The following NRXN3 variants were observed in gnomAD, a reference collection of about 807,000 sequenced individuals.
The protein encoded by NRXN3 is neurexin 3.
A neutral mutation model predicts 137.6 loss-of-function variants in NRXN3; 32 were observed. The ratio of observed to expected loss-of-function variants is 0.23; its 90% CI spans 0.18 to 0.31. The LOEUF is 0.31. NRXN3 is among the 10% of genes least tolerant of loss of function. The pLI is 1.00. For missense variants in NRXN3, 1,574 were observed against 2,062.5 expected, an observed-to-expected ratio of 0.76 and a Z score of 4.59; for synonymous variants, 798 against 784.5, an observed-to-expected ratio of 1.02 and a Z score of -0.29.
intron 1 of NRXN3, among the ~76,000 whole-genome samples, chr14:78,214,689 G>A (rs892474540): frequency 5.9e-5 from 9 of 152,246 alleles, no homozygotes; most frequent in African/African-American, 1.7e-4. Context: ...CTACTCCAGA[G>A]GTGGGAGTGA....
chr14:79,143,141 A>G (rs1195953290), intron 15 of NRXN3, among the ~76,000 whole-genome samples: 1 of 152,206 alleles, frequency 6.6e-6, no homozygotes, highest in African/African-American at 2.4e-5. Context: ...GAGGGCAAAA[A>G]CAGTCAAGCC....
intron 15 of NRXN3, among the ~76,000 whole-genome samples, chr14:79,101,238 T>C (rs1386150924): frequency 6.6e-6 from 1 of 152,194 alleles, no homozygotes; most frequent in Non-Finnish European, 1.5e-5. Flanking sequence ...TATAGTACAA[T>C]AGTTAGTGTC....
At chr14:78,821,869 C>T (rs183466393) in intron 10 of NRXN3, among the ~76,000 whole-genome samples, 2 of 152,224 alleles carry the variant, frequency 1.3e-5, no homozygotes, top group Non-Finnish European at 2.9e-5. Context: ...AAGCAAACTC[C>T]CTTTTACTAA....
chr14:78,738,692 C>T (rs1424694089), intron 8 of NRXN3, among the ~76,000 whole-genome samples: 4 of 152,140 alleles, frequency 2.6e-5, no homozygotes, highest in Non-Finnish European at 4.4e-5. Flanking sequence ...CATTCTTTTT[C>T]CCCACTATGA....
intron 15 of NRXN3, among the ~76,000 whole-genome samples, chr14:79,270,660 G>A (rs759109281): frequency 7.9e-5 from 12 of 152,144 alleles, no homozygotes; most frequent in Admixed American, 2.6e-4. Context: ...TGTGGCAAGT[G>A]TGAACAGAAC....
intron 19 of NRXN3, among the ~76,000 whole-genome samples, chr14:79,726,011 G>A (rs1446330618): frequency 6.6e-6 from 1 of 152,114 alleles, no homozygotes; most frequent in Non-Finnish European, 1.5e-5. Flanking sequence ...CCAAGGAGAT[G>A]ATGGAGTGAA....
chr14:78,699,762 C>A (rs541912128), intron 6 of NRXN3, among the ~76,000 whole-genome samples: 1 of 152,136 alleles, frequency 6.6e-6, no homozygotes, highest in African/African-American at 2.4e-5. Context: ...GAGTTGGTGC[C>A]CTCATCAAAT....
At chr14:78,983,613 C>T (rs539185633) in intron 14 of NRXN3, among the ~76,000 whole-genome samples, 1 of 152,040 alleles carries the variant, frequency 6.6e-6, no homozygotes, top group Admixed American at 6.5e-5. Flanking sequence ...AATCCCAGCA[C>T]TTTGGGAGGC....
intron 15 of NRXN3, among the ~76,000 whole-genome samples, chr14:79,314,834 A>G (rs1246710356): frequency 3.3e-5 from 5 of 149,348 alleles, no homozygotes; most frequent in East Asian, 4.1e-4. Flanking sequence ...GGGTATTCCA[A>G]CAGACCTGCA....
intron 10 of NRXN3, among the ~76,000 whole-genome samples, chr14:78,936,694 A>G (rs946078125): frequency 1.3e-5 from 2 of 152,202 alleles, no homozygotes; most frequent in Non-Finnish European, 2.9e-5. Context: ...TTATACTTCA[A>G]TTTAAAAGAA....
chr14:79,162,950 T>C (rs1259293304), intron 15 of NRXN3, among the ~76,000 whole-genome samples: 1 of 151,944 alleles, frequency 6.6e-6, no homozygotes, highest in East Asian at 1.9e-4. Flanking sequence ...TTATTTCTCC[T>C]CTCTTACATC....
intron 4 of NRXN3, among the ~76,000 whole-genome samples, chr14:78,618,318 G>A (rs1022067349): frequency 4.0e-5 from 6 of 150,250 alleles, no homozygotes; most frequent in Non-Finnish European, 7.4e-5. Flanking sequence ...CAGATGAAAA[G>A]CCAAGCTGTG....
chr14:79,659,421 A>G (rs1164727602), intron 16 of NRXN3, among the ~76,000 whole-genome samples: 1 of 152,182 alleles, frequency 6.6e-6, no homozygotes, highest in South Asian at 2.1e-4. Context: ...AAGAATGTAG[A>G]GAGATAGCAA....
intron 1 of NRXN3, among the ~76,000 whole-genome samples, chr14:78,187,625 A>G (rs981630087): frequency 2.2e-4 from 34 of 152,210 alleles, no homozygotes; most frequent in African/African-American, 8.2e-4. Flanking sequence ...AATTCTGCTA[A>G]TAGGAAGTCT....
chr14:79,082,997 A>C (rs372396085), intron 15 of NRXN3, among the ~76,000 whole-genome samples: 2 of 152,310 alleles, frequency 1.3e-5, no homozygotes, highest in South Asian at 2.1e-4. Context: ...ACAACACGGG[A>C]TGGCGGAAGA....
At chr14:78,272,496 CTGGGATG>C in intron 2 of NRXN3, among the ~76,000 whole-genome samples, 1 of 152,274 alleles carries the variant, frequency 6.6e-6, no homozygotes, top group African/African-American at 2.4e-5. Context: ...AGTTCCTGGG[CTGGGATG>C]TGGCTGCAGA....
intron 4 of NRXN3, among the ~76,000 whole-genome samples, chr14:78,510,225 T>C (rs998047419): frequency 2.0e-5 from 3 of 151,546 alleles, no homozygotes; most frequent in Non-Finnish European, 4.4e-5. Context: ...ATGAATTTAC[T>C]ATAAAAATAA....
intron 4 of NRXN3, among the ~76,000 whole-genome samples, chr14:78,479,952 C>A (rs1430683415): frequency 6.6e-6 from 1 of 152,048 alleles, no homozygotes; most frequent in African/African-American, 2.4e-5. Context: ...TAAGACCAGC[C>A]TGGCCAACAT....
chr14:78,847,659 A>G (rs1215704942), intron 10 of NRXN3, among the ~76,000 whole-genome samples: 3 of 152,144 alleles, frequency 2.0e-5, no homozygotes, highest in Middle Eastern at 6.8e-3. Context: ...TGAATATATG[A>G]TTCATTTTAC....
Sources: allele counts gnomAD v4.1 joint callset (sites outside exome capture counted in the v4.1 genomes callset), GRCh38; gene constraint gnomAD v4.1.1; transcripts MANE v1.5; gene names NCBI Gene and HGNC (gene_info 2026-07-23, HGNC 2026-07-21).